Variants in BACH2 observed in about 807,000 individuals in gnomAD.
BACH2 encodes BACH transcriptional regulator 2, also known as transcription regulator protein BACH2.
A neutral mutation model predicts 61.8 loss-of-function variants in BACH2; 5 were observed. The observed-to-expected ratio is 0.08, with a 90% confidence interval of 0.04 to 0.17. BACH2 has a LOEUF of 0.17. Ranked by LOEUF, BACH2 falls within the 10% of genes least tolerant of loss-of-function variation. The pLI, the probability that BACH2 is intolerant of heterozygous loss-of-function variation, is 1.00. For synonymous variants in BACH2, 446 were observed against 440.1 expected (o/e 1.01, Z -0.17); for missense variants, 824 against 1,091.1 (o/e 0.76, Z 3.45).
intron 4 of BACH2, among the ~76,000 whole-genome samples, chr6:90,117,690 C>T (rs1783460402): frequency 6.6e-6 from 1 of 152,096 alleles, no homozygotes; most frequent in Admixed American, 6.6e-5. Flanking sequence ...GGAACTAATC[C>T]ATGAATCCCA....
rs371875009 is a variant in BACH2 at position 90,148,514 on chromosome 6, C to T, written c.-162+58055G>A. Among the ~76,000 whole-genome samples, 684 of 152,050 alleles carry T rather than the reference C, an allele frequency of 4.5e-3. 14 individuals carry two copies. The highest frequency in any genetic ancestry group is 0.035 in the South Asian group (171 of 4,818). ...TTCCAACAGTGGAAAAACTAGACAA[C>T]GGTGGAAAAATGTCCAGTAATAAGC... On this transcript the variant is annotated intron_variant, in intron 4 of 8. Transcript: ENST00000257749.
At chr6:90,286,916 A>G (rs980285240) in intron 1 of BACH2, among the ~76,000 whole-genome samples, 1 of 152,240 alleles carries the variant, frequency 6.6e-6, no homozygotes, top group Non-Finnish European at 1.5e-5. Context: ...AGTCTGGAAC[A>G]AAGAAAGACA....
intron 6 of BACH2, among the ~76,000 whole-genome samples, chr6:89,966,576 T>G (rs1192481370): frequency 6.6e-6 from 1 of 152,214 alleles, no homozygotes; most frequent in South Asian, 2.1e-4. Context: ...AAGTCAGGTT[T>G]GTCAGTCACC....
At chr6:90,040,256 T>C (rs1302757434) in intron 5 of BACH2, among the ~76,000 whole-genome samples, 1 of 152,196 alleles carries the variant, frequency 6.6e-6, no homozygotes, top group East Asian at 1.9e-4. Context: ...TATCTTGGTG[T>C]AAATATGAAC....
chr6:90,293,104 T>C (rs1772232709), intron 1 of BACH2, among the ~76,000 whole-genome samples: 1 of 152,186 alleles, frequency 6.6e-6, no homozygotes, highest in Admixed American at 6.5e-5. Context: ...CAGAACCTTA[T>C]ACCAAATATG....
At chr6:89,983,090 G>A (rs760169488) in intron 6 of BACH2, among the ~76,000 whole-genome samples, 1 of 152,200 alleles carries the variant, frequency 6.6e-6, no homozygotes, top group African/African-American at 2.4e-5. Flanking sequence ...GGTGCTGAGA[G>A]CTTCAGTTTA....
intron 6 of BACH2, among the ~76,000 whole-genome samples, chr6:89,985,467 G>C (rs1322520763): frequency 6.6e-6 from 1 of 152,062 alleles, no homozygotes; most frequent in East Asian, 1.9e-4. Flanking sequence ...GTGGGGGCGG[G>C]ACACTAAGAT....
At chr6:90,285,281 C>T (rs779292708) in intron 1 of BACH2, among the ~76,000 whole-genome samples, 3 of 152,108 alleles carry the variant, frequency 2.0e-5, no homozygotes, top group Non-Finnish European at 2.9e-5. Context: ...CAAAAGCTGT[C>T]ATCACTTAGG....
rs1582460027 is a variant in BACH2 at position 90,184,361 on chromosome 6, A to G, written c.-162+22208T>C. Among the ~76,000 whole-genome samples, 3 of 152,300 alleles carry G rather than the reference A, an allele frequency of 2.0e-5. No individual in the cohort carries two copies. In the East Asian group the frequency reaches 5.8e-4, roughly 29 times the overall value. ...CATACAAGGAAGACTGATGAAAGAGAGTAAAAATCACTTTTGGAGAAAAAA... is the reference window on the plus strand; with the variant it reads ...CATACAAGGAAGACTGATGAAAGAGGGTAAAAATCACTTTTGGAGAAAAAA... On this transcript the variant is annotated intron_variant, in intron 4 of 8. Coordinates refer to ENST00000257749, the MANE Select transcript of BACH2 (RefSeq NM_021813.4).
At chr6:90,061,677 G>A (rs1016802960) in intron 5 of BACH2, among the ~76,000 whole-genome samples, 7 of 152,068 alleles carry the variant, frequency 4.6e-5, no homozygotes, top group African/African-American at 1.7e-4. Flanking sequence ...ACTAACAGAG[G>A]AGGAGACAGC....
At chr6:90,022,884 C>T (rs1778450861) in intron 5 of BACH2, among the ~76,000 whole-genome samples, 1 of 152,158 alleles carries the variant, frequency 6.6e-6, no homozygotes, top group Non-Finnish European at 1.5e-5. Context: ...CCTAGAGATA[C>T]TCCTGGATAT....
intron 1 of BACH2, among the ~76,000 whole-genome samples, chr6:90,288,581 G>A (rs1214857762): frequency 6.6e-6 from 1 of 152,042 alleles, no homozygotes; most frequent in Admixed American, 6.6e-5. Context: ...GCAAACCTGA[G>A]GTAATTGGGG....
At chr6:90,044,039 T>C (rs780118144) in intron 5 of BACH2, among the ~76,000 whole-genome samples, 4 of 152,160 alleles carry the variant, frequency 2.6e-5, no homozygotes, top group African/African-American at 4.8e-5. Flanking sequence ...TAACACATGA[T>C]GCCATGTACT....
intron 1 of BACH2, among the ~76,000 whole-genome samples, chr6:90,272,668 T>C (rs969577): frequency 0.24 from 36,260 of 152,202 alleles, 5,363 homozygotes; most frequent in Non-Finnish European, 0.34. Flanking sequence ...CTTAGATTCA[T>C]TTTTGCTCAT....
At chr6:90,107,338 T>C (rs1475855283) in intron 4 of BACH2, among the ~76,000 whole-genome samples, 3 of 151,756 alleles carry the variant, frequency 2.0e-5, no homozygotes, top group Non-Finnish European at 4.4e-5. Flanking sequence ...TGCCACTACA[T>C]TCCAGCCTGG....
At chr6:89,996,745 C>T (rs978040001) in intron 6 of BACH2, among the ~76,000 whole-genome samples, 1 of 152,184 alleles carries the variant, frequency 6.6e-6, no homozygotes, top group Non-Finnish European at 1.5e-5. Context: ...ACCTGAACCT[C>T]TGCAGCACAA....
At chr6:90,196,093 C>T (rs371362178) in intron 4 of BACH2, among the ~76,000 whole-genome samples, 80 of 150,864 alleles carry the variant, frequency 5.3e-4, no homozygotes, top group African/African-American at 7.0e-4. Context: ...GAGAATGAGC[C>T]ACAATTTGAA....
intron 3 of BACH2, among the ~76,000 whole-genome samples, chr6:90,209,604 C>T (rs1367744683): frequency 6.6e-6 from 1 of 152,156 alleles, no homozygotes; most frequent in Admixed American, 6.5e-5. Context: ...TCTATGTACA[C>T]ATTGGTATCA....
At chr6:90,135,921 C>T (rs1784256650) in intron 4 of BACH2, among the ~76,000 whole-genome samples, 1 of 152,212 alleles carries the variant, frequency 6.6e-6, no homozygotes. Flanking sequence ...AGGTCTGTGG[C>T]CACCTCCACT....
Sources: allele counts gnomAD v4.1 joint callset (sites outside exome capture counted in the v4.1 genomes callset), GRCh38; gene constraint gnomAD v4.1.1; transcripts MANE v1.5; gene names NCBI Gene and HGNC (gene_info 2026-07-23, HGNC 2026-07-21).